Variants in TTLL5 observed in about 807,000 individuals in gnomAD.
TTLL5 encodes tubulin tyrosine ligase like 5, also known as tubulin polyglutamylase TTLL5.
Under a neutral mutation model 168.4 loss-of-function variants are expected in TTLL5, and 132 were observed. The observed-to-expected ratio is 0.78, with a 90% CI of 0.68 to 0.91. The LOEUF (loss-of-function observed/expected upper bound fraction) is 0.91. Ranked by LOEUF, TTLL5 falls within the 40% of genes least tolerant of loss-of-function variation. TTLL5 has a pLI of 0.00. For missense variants in TTLL5, 1,545 were observed against 1,581.5 expected, an observed-to-expected ratio of 0.98 and a Z score of 0.39; for synonymous variants, 546 against 558.6, an observed-to-expected ratio of 0.98 and a Z score of 0.32.
intron 27 of TTLL5, among the ~76,000 whole-genome samples, chr14:75,803,634 A>AT (rs1216588764): frequency 6.6e-6 from 1 of 152,116 alleles, no homozygotes; most frequent in Non-Finnish European, 1.5e-5. Flanking sequence ...TGGAGATGAG[A>AT]TTTTTTGGAA....
chr14:75,875,802 C>A (rs2031439669), intron 29 of TTLL5, among the ~76,000 whole-genome samples: 1 of 152,056 alleles, frequency 6.6e-6, no homozygotes, highest in African/African-American at 2.4e-5. Flanking sequence ...TGTCAGCACA[C>A]AGAAATACAT....
At chr14:75,947,568 T>C (rs1333687222) in intron 31 of TTLL5, among the ~76,000 whole-genome samples, 1 of 152,180 alleles carries the variant, frequency 6.6e-6, no homozygotes, top group Non-Finnish European at 1.5e-5. Context: ...TAGATAAATC[T>C]AGCTTTATAT....
At chr14:75,671,161 A>G (rs1883709593) in intron 3 of TTLL5, among the ~76,000 whole-genome samples, 1 of 152,216 alleles carries the variant, frequency 6.6e-6, no homozygotes. Context: ...TGAAGAGACT[A>G]TTCTTTTCCC....
chr14:75,696,080 C>G (rs1885838744), intron 6 of TTLL5, among the ~76,000 whole-genome samples: 1 of 151,786 alleles, frequency 6.6e-6, no homozygotes, highest in Admixed American at 6.6e-5. Flanking sequence ...TCCATAGAGA[C>G]AGTCTCAGTA....
intron 31 of TTLL5, among the ~76,000 whole-genome samples, chr14:75,943,382 G>C (rs115514619): frequency 2.0e-5 from 3 of 152,074 alleles, no homozygotes; most frequent in Non-Finnish European, 2.9e-5. Flanking sequence ...CCTCCCTCTC[G>C]TCCACCCTTC....
At position 75,870,457 on chromosome 14, in the gene TTLL5, G is replaced by A. The variant is rs1003003663; in HGVS notation, c.3522+6595G>A. Among the ~76,000 whole-genome samples the A allele has an allele frequency of 8.6e-5, 13 of 151,964 alleles. No individual in the cohort carries two copies. In the East Asian group the frequency reaches 9.7e-4, roughly 11 times the overall value. ...ATATCTTAATAAGGTGTTCTTGGGC[G>A]TAACAATCTTGGAAATGCCCATCCT... is the stretch of plus-strand genomic sequence containing the variant. On this transcript the variant is annotated intron_variant, in intron 29 of 31. Transcript: ENST00000298832.
chr14:75,662,500 A>ATT (rs541035818), intron 1 of TTLL5, among the ~76,000 whole-genome samples: 6,890 of 133,496 alleles, frequency 0.052, 219 homozygotes, highest in African/African-American at 0.071. Context: ...AATTTTTTGT[A>ATT]TTTTTTTTTT....
chr14:75,683,437 G>T, intron 4 of TTLL5, 113 bp from the exon 5 acceptor site: 1 of 812,252 alleles, frequency 1.2e-6, no homozygotes, highest in South Asian at 1.6e-5. Flanking sequence ...GGGCCACCCC[G>T]GTGAGTACAC....
intron 15 of TTLL5, among the ~76,000 whole-genome samples, chr14:75,743,816 T>A (rs531354359): frequency 6.6e-6 from 1 of 151,800 alleles, no homozygotes; most frequent in Non-Finnish European, 1.5e-5. Context: ...CTCCTGACCT[T>A]GTGATCTGCC....
At chr14:75,736,953 A>G (rs1057438082) in intron 15 of TTLL5, among the ~76,000 whole-genome samples, 1 of 152,226 alleles carries the variant, frequency 6.6e-6, no homozygotes, top group Non-Finnish European at 1.5e-5. Flanking sequence ...AGGCAGTCAC[A>G]TTCCTTTGCA....
chr14:75,827,946 G>C (rs1488866791), intron 28 of TTLL5, among the ~76,000 whole-genome samples: 1 of 151,752 alleles, frequency 6.6e-6, no homozygotes, highest in Non-Finnish European at 1.5e-5. Flanking sequence ...TGAACTCCCA[G>C]GCTAAAGCAG....
At chr14:75,683,776 C>CTTTT (rs11406886) in intron 5 of TTLL5, 120 bp downstream of exon 5, 33 of 487,104 alleles carry the variant, frequency 6.8e-5, no homozygotes, top group East Asian at 1.3e-4. Flanking sequence ...AGAAGAAGGA[C>CTTTT]TTTTTTTTTT....
At chr14:75,831,320 A>C (rs1895547960) in intron 28 of TTLL5, among the ~76,000 whole-genome samples, 1 of 152,214 alleles carries the variant, frequency 6.6e-6, no homozygotes, top group Admixed American at 6.5e-5. Context: ...TGGAAGGGGA[A>C]TATTCTAATG....
intron 31 of TTLL5, among the ~76,000 whole-genome samples, chr14:75,949,328 C>T (rs1313279330): frequency 6.7e-5 from 10 of 149,430 alleles, no homozygotes; most frequent in Admixed American, 6.7e-4. Flanking sequence ...TATATATAAC[C>T]TTACCAAGAG....
At chr14:75,668,867 TAAAG>T (rs1027824419) in intron 2 of TTLL5, among the ~76,000 whole-genome samples, 4 of 152,328 alleles carry the variant, frequency 2.6e-5, no homozygotes, top group African/African-American at 9.6e-5. Flanking sequence ...TCCTAAGTAA[TAAAG>T]AGAATACTTT....
chr14:75,876,604 A>T (rs1377685433), intron 29 of TTLL5, among the ~76,000 whole-genome samples: 1 of 152,188 alleles, frequency 6.6e-6, no homozygotes, highest in East Asian at 1.9e-4. Flanking sequence ...TATGAAGAGG[A>T]GCAACTTCTG....
At chr14:75,829,634 T>C (rs572177317) in intron 28 of TTLL5, among the ~76,000 whole-genome samples, 1 of 151,560 alleles carries the variant, frequency 6.6e-6, no homozygotes, top group South Asian at 2.1e-4. Flanking sequence ...GAGTTCACAA[T>C]TCAAAAAAGA....
intron 15 of TTLL5, among the ~76,000 whole-genome samples, chr14:75,738,847 C>G (rs1383308045): frequency 6.6e-6 from 1 of 152,108 alleles, no homozygotes; most frequent in Non-Finnish European, 1.5e-5. Flanking sequence ...CTCCATCACC[C>G]AGGCTGGAGT....
At chr14:75,736,262 C>A (rs1441904546) in intron 15 of TTLL5, among the ~76,000 whole-genome samples, 1 of 152,038 alleles carries the variant, frequency 6.6e-6, no homozygotes, top group African/African-American at 2.4e-5. Flanking sequence ...CCACTTTAAC[C>A]CTTTACTCCT....
Sources: gnomAD v4.1 joint callset for allele counts (sites outside exome capture counted in the v4.1 genomes callset) on GRCh38, gnomAD v4.1.1 for gene constraint, MANE v1.5 for transcripts, NCBI Gene and HGNC (gene_info 2026-07-23, HGNC 2026-07-21) for gene names.